CATSPERB: variants seen among roughly 807,000 people sequenced by gnomAD.
CATSPERB encodes catsper channel auxiliary subunit beta, also known as cation channel sperm-associated auxiliary subunit beta.
A neutral mutation model predicts 128.3 loss-of-function variants in CATSPERB; 93 were observed. The observed-to-expected ratio is 0.72, with a 90% CI of 0.61 to 0.86. The LOEUF is 0.86. CATSPERB is among the 40% of genes least tolerant of loss of function. The probability of loss-of-function intolerance (pLI) is 0.00; values close to 1 mark genes in which losing one functional copy is unlikely to be tolerated. For missense variants in CATSPERB, 1,153 were observed against 1,329.5 expected, an observed-to-expected ratio of 0.87 and a Z score of 2.06; for synonymous variants, 381 against 448.8, an observed-to-expected ratio of 0.85 and a Z score of 1.91.
At chr14:91,682,951 T>C (rs1308114167) in intron 11 of CATSPERB, among the ~76,000 whole-genome samples, 2 of 152,200 alleles carry the variant, frequency 1.3e-5, no homozygotes, top group Non-Finnish European at 2.9e-5. Context: ...CTGTTGTCTA[T>C]ATATACTAGA....
intron 22 of CATSPERB, chr14:91,603,489 T>C: frequency 8.7e-7 from 1 of 1,147,680 alleles, no homozygotes; most frequent in East Asian, 2.3e-5. Context: ...TCTTAAAGTG[T>C]GGGCAAAACT....
At chr14:91,705,922 A>G (rs1420554711) in intron 6 of CATSPERB, among the ~76,000 whole-genome samples, 2 of 152,226 alleles carry the variant, frequency 1.3e-5, no homozygotes, top group East Asian at 3.8e-4. Context: ...ATTTTCATGC[A>G]TTAATAAAAG....
At chr14:91,699,312 T>C (rs1444953068) in intron 7 of CATSPERB, among the ~76,000 whole-genome samples, 1 of 152,134 alleles carries the variant, frequency 6.6e-6, no homozygotes. Context: ...CTAATTTACA[T>C]TCCAACCAGC....
chr14:91,670,404 T>C (rs1895067084), intron 13 of CATSPERB, among the ~76,000 whole-genome samples: 1 of 151,256 alleles, frequency 6.6e-6, no homozygotes, highest in Non-Finnish European at 1.5e-5. Context: ...AAATTATCTT[T>C]ATATAAAAGT....
Position 91,653,517 on chromosome 14 carries a change from T to TACAGTTCC in CATSPERB, c.1432+6312_1432+6319dup, listed in dbSNP as rs532036081. On this transcript the variant is annotated intron_variant, in intron 15 of 26. Transcript: ENST00000256343. ...CAAAAGAAAGACATTTAATTAGACT[T>TACAGTTCC]ACAGTTCCACATGGCTGGGGAAGAT... Among the ~76,000 whole-genome samples, 389 of 152,284 alleles carry TACAGTTCC rather than the reference T, an allele frequency of 2.6e-3. 9 individuals carry two copies. In the South Asian group the frequency reaches 0.043, roughly 17 times the overall value.
intron 15 of CATSPERB, among the ~76,000 whole-genome samples, chr14:91,651,297 G>T (rs936376072): frequency 2.2e-4 from 34 of 152,202 alleles, no homozygotes; most frequent in Non-Finnish European, 5.0e-4. Flanking sequence ...CTCTTAAAGG[G>T]TGGTCCCTAC....
intron 10 of CATSPERB, among the ~76,000 whole-genome samples, chr14:91,685,390 TTA>T (rs1053944406): frequency 3.3e-5 from 5 of 152,196 alleles, no homozygotes; most frequent in Non-Finnish European, 7.3e-5. Context: ...GTTCAAAATT[TTA>T]TGTTACATGG....
chr14:91,631,390 G>C (rs1894274220), intron 17 of CATSPERB, among the ~76,000 whole-genome samples: 1 of 152,212 alleles, frequency 6.6e-6, no homozygotes, highest in Admixed American at 6.5e-5. Context: ...AGGGCCGGGT[G>C]CAATGGCTCA....
chr14:91,656,040 C>T (rs972365673), intron 15 of CATSPERB, among the ~76,000 whole-genome samples: 15 of 152,078 alleles, frequency 9.9e-5, no homozygotes, highest in Admixed American at 6.5e-4. Flanking sequence ...AGTGGCATGA[C>T]GTATATTTTT....
rs149718721 is a variant in CATSPERB at position 91,599,267 on chromosome 14, G to C, written c.2710-7265C>G. Among the ~76,000 whole-genome samples, 56 of 152,158 alleles carry C rather than the reference G, an allele frequency of 3.7e-4. No individual in the cohort carries two copies. The East Asian group carries it at 0.01, about 27-fold the overall frequency. ...AGACAGGTCTCAGTTAATTTAGAAA[G>C]TTTACTTTGCCGGCCGGGCACGATG... On this transcript the variant is annotated intron_variant, in intron 22 of 26. Coordinates refer to ENST00000256343, the MANE Select transcript of CATSPERB (RefSeq NM_024764.4).
intron 15 of CATSPERB, among the ~76,000 whole-genome samples, chr14:91,649,582 C>T (rs1894670557): frequency 6.6e-6 from 1 of 151,174 alleles, no homozygotes; most frequent in Non-Finnish European, 1.5e-5. Context: ...CTGTAACCTC[C>T]ACCTCCTGGG....
At chr14:91,640,027 A>G (rs762287178) in intron 15 of CATSPERB, among the ~76,000 whole-genome samples, 8 of 152,088 alleles carry the variant, frequency 5.3e-5, no homozygotes, top group Non-Finnish European at 1.2e-4. Context: ...ATTTAAGTCT[A>G]CCATCTAGTG....
chr14:91,598,605 T>A (rs1030229921), intron 22 of CATSPERB, among the ~76,000 whole-genome samples: 4 of 152,120 alleles, frequency 2.6e-5, no homozygotes, highest in African/African-American at 9.7e-5. Flanking sequence ...ACACCTGTAA[T>A]CCCGGCACTT....
intron 7 of CATSPERB, among the ~76,000 whole-genome samples, chr14:91,700,107 G>A (rs188919301): frequency 1.6e-3 from 239 of 151,882 alleles, no homozygotes; most frequent in African/African-American, 2.4e-3. Flanking sequence ...CGACAGGCCC[G>A]GTGTGTGATG....
chr14:91,616,548 T>G (rs1331172360), intron 20 of CATSPERB, among the ~76,000 whole-genome samples: 1 of 152,178 alleles, frequency 6.6e-6, no homozygotes, highest in Non-Finnish European at 1.5e-5. Context: ...TTCTTCCTCT[T>G]AGATGCTAGG....
At chr14:91,601,811 G>A (rs536788701) in intron 22 of CATSPERB, among the ~76,000 whole-genome samples, 54 of 152,068 alleles carry the variant, frequency 3.6e-4, no homozygotes, top group African/African-American at 1.3e-3. Flanking sequence ...AGGGGAGCTA[G>A]CTCTAAACAA....
chr14:91,671,798 G>A (rs1373626375), intron 13 of CATSPERB, among the ~76,000 whole-genome samples: 4 of 151,908 alleles, frequency 2.6e-5, no homozygotes, highest in Admixed American at 6.6e-5. Context: ...TTGGGAGGCC[G>A]AGGCGGGCAG....
At chr14:91,715,161 C>A (rs1009335156) in intron 5 of CATSPERB, 2 of 151,846 alleles carry the variant, frequency 1.3e-5, no homozygotes, top group African/African-American at 4.8e-5. Flanking sequence ...TGCAAGTTCT[C>A]TAAGCTGAAA....
intron 22 of CATSPERB, among the ~76,000 whole-genome samples, chr14:91,597,278 T>C (rs1893524811): frequency 6.6e-6 from 1 of 152,138 alleles, no homozygotes; most frequent in South Asian, 2.1e-4. Context: ...GGATTACAGG[T>C]CATTGTAAAG....
Sources: allele counts gnomAD v4.1 joint callset (sites outside exome capture counted in the v4.1 genomes callset), GRCh38; gene constraint gnomAD v4.1.1; transcripts MANE v1.5; gene names NCBI Gene and HGNC (gene_info 2026-07-23, HGNC 2026-07-21).